TTL: variants seen among roughly 807,000 people sequenced by gnomAD.
The protein encoded by TTL is tubulin--tyrosine ligase.
A neutral mutation model predicts 41.1 loss-of-function variants in TTL; 10 were observed. That is an observed-to-expected ratio of 0.24 (90% CI 0.15 to 0.41). The LOEUF is 0.41. Ranked by LOEUF, TTL falls within the 10% of genes least tolerant of loss-of-function variation. The pLI is 1.00. For missense variants in TTL, 367 were observed against 460.4 expected (o/e 0.80, Z 1.86); for synonymous variants, 175 against 175.5 (o/e 1.00, Z 0.02).
intron 6 of TTL, among the ~76,000 whole-genome samples, chr2:112,526,988 G>T (rs7589692): frequency 0.97 from 148,112 of 152,292 alleles, 72,118 homozygotes; most frequent in East Asian, 1. Context: ...GTATGTTGTG[G>T]CTTTGTTCTC....
At chr2:112,523,470 C>T (rs1317300148) in intron 6 of TTL, among the ~76,000 whole-genome samples, 2 of 151,512 alleles carry the variant, frequency 1.3e-5, no homozygotes, top group Non-Finnish European at 2.9e-5. Flanking sequence ...AAGTCTTCCC[C>T]TGTCACTGGG....
intron 6 of TTL, among the ~76,000 whole-genome samples, chr2:112,520,907 C>A (rs961971808): frequency 3.3e-5 from 5 of 152,068 alleles, no homozygotes; most frequent in African/African-American, 1.2e-4. Flanking sequence ...GACAGAGAGA[C>A]CCTGTCTCAA....
intron 2 of TTL, among the ~76,000 whole-genome samples, chr2:112,493,268 G>A (rs894006965): frequency 1.3e-5 from 2 of 152,066 alleles, no homozygotes; most frequent in Non-Finnish European, 2.9e-5. Context: ...GCATGTCTGT[G>A]GGCAGGTTCC....
chr2:112,496,011 AC>A (rs1281367310), intron 3 of TTL, among the ~76,000 whole-genome samples: 1 of 152,036 alleles, frequency 6.6e-6, no homozygotes, highest in Admixed American at 6.5e-5. Context: ...GGAGAGTTGG[AC>A]TCTTGCCACA....
intron 5 of TTL, among the ~76,000 whole-genome samples, chr2:112,514,770 A>C (rs1464097129): frequency 6.6e-6 from 1 of 152,172 alleles, no homozygotes; most frequent in Admixed American, 6.5e-5. Flanking sequence ...TGGAATATTC[A>C]TGGACATTAT....
chr2:112,512,555 C>T (rs1681953432), intron 5 of TTL, among the ~76,000 whole-genome samples: 1 of 152,124 alleles, frequency 6.6e-6, no homozygotes, highest in South Asian at 2.1e-4. Flanking sequence ...AGCCACCACG[C>T]CTGGCCTAGT....
At chr2:112,492,546 C>T (rs1242337641) in intron 2 of TTL, among the ~76,000 whole-genome samples, 4 of 152,076 alleles carry the variant, frequency 2.6e-5, no homozygotes, top group Non-Finnish European at 4.4e-5. Context: ...CTGGCTAACA[C>T]GGTGAAACCC....
intron 3 of TTL, among the ~76,000 whole-genome samples, chr2:112,494,914 A>G (rs1681487228): frequency 6.6e-6 from 1 of 152,174 alleles, no homozygotes; most frequent in African/African-American, 2.4e-5. Context: ...GCCTGCTCTC[A>G]ACCAGTTCTC....
chr2:112,491,976 AT>A (rs920788071), intron 2 of TTL, among the ~76,000 whole-genome samples: 10 of 151,964 alleles, frequency 6.6e-5, no homozygotes, highest in African/African-American at 2.4e-4. Flanking sequence ...TTGTCCAAAT[AT>A]TTTTTTAACT....
intron 5 of TTL, among the ~76,000 whole-genome samples, chr2:112,509,610 G>A (rs932237572): frequency 1.3e-5 from 2 of 152,022 alleles, no homozygotes; most frequent in African/African-American, 2.4e-5. Flanking sequence ...TCTTTGACTC[G>A]GAAAGGGAAC....
intron 2 of TTL, among the ~76,000 whole-genome samples, chr2:112,487,457 C>A (rs901485947): frequency 6.6e-6 from 1 of 152,160 alleles, no homozygotes; most frequent in African/African-American, 2.4e-5. Flanking sequence ...ATTTATTAAA[C>A]CTCTTCTGCT....
intron 6 of TTL, 93 bp downstream of exon 6, chr2:112,520,518 G>A: frequency 2.0e-6 from 3 of 1,516,492 alleles, no homozygotes; most frequent in Non-Finnish European, 2.7e-6. Flanking sequence ...TTTGACTGCT[G>A]TGAGGGAGGA....
intron 5 of TTL, among the ~76,000 whole-genome samples, chr2:112,512,131 G>T (rs1485888013): frequency 1.3e-5 from 2 of 151,972 alleles, no homozygotes; most frequent in Admixed American, 1.3e-4. Context: ...CACTCTTGCT[G>T]CCCGGACTAG....
Position 112,500,550 on chromosome 2 carries a change from G to A in TTL, c.470-656G>A, listed in dbSNP as rs549945570. Among the ~76,000 whole-genome samples the A allele has an allele frequency of 3.2e-4, 48 of 152,202 alleles. No individual in the cohort carries two copies. The South Asian group carries it at 9.5e-3, about 30-fold the overall frequency. On this transcript the variant is annotated intron_variant, in intron 3 of 6. Coordinates refer to ENST00000233336, the MANE Select transcript of TTL (RefSeq NM_153712.5). ...TGCGCCACTGCACTCCATCCTGGGC[G>A]ACAGAGTGAGACTCCATCTCAAAAA...
chr2:112,512,349 G>A lies in TTL; in HGVS notation c.876-7933G>A, dbSNP rs567890549. Reference sequence around the variant, plus strand: ...GTGATCTCGGCTCACTGCAAGCTCCGCCTTGCAGGTTCACGCCATTCTCCT... The same window carrying A: ...GTGATCTCGGCTCACTGCAAGCTCCACCTTGCAGGTTCACGCCATTCTCCT... On this transcript the variant is annotated intron_variant, in intron 5 of 6. Transcript: ENST00000233336. Among the ~76,000 whole-genome samples, 12 of 151,674 alleles carry A rather than the reference G, an allele frequency of 7.9e-5. No individual in the cohort carries two copies. The East Asian group carries it at 9.7e-4, about 12-fold the overall frequency.
rs1447204448 is a variant in TTL at position 112,482,221 on chromosome 2, G to A, written c.-124G>A. On this transcript the variant is annotated 5_prime_UTR_variant, in exon 1 of 7. Transcript: ENST00000233336. The surrounding 1 kb of genome is among the most constrained non-coding windows in gnomAD (Gnocchi z 5.3). ...CCGCCGGCACCCGAGAGGCGCGGTA[G>A]CCGGCGCGGGCGGCGGGGGCCGGGC... is the stretch of plus-strand genomic sequence containing the variant. 2 of 673,108 alleles carry A rather than the reference G, an allele frequency of 3.0e-6. No individual in the cohort carries two copies. Among genetic ancestry groups the A allele is most frequent in the South Asian group, 6.6e-5 (1 of 15,064 alleles). The allele number at this position is 673,108 out of a possible 1,614,324, so 41.7% of individuals were successfully genotyped here. A position where few individuals can be genotyped will look rare whatever the true frequency, so the allele number is the denominator to read the frequency against.
rs1681106514 is a variant in TTL at position 112,482,254 on chromosome 2, G to A, written c.-91G>A. 5 of 931,692 alleles carry A rather than the reference G, an allele frequency of 5.4e-6. No individual in the cohort carries two copies. In the Admixed American group the frequency reaches 1.9e-4, roughly 36 times the overall value. The allele number at this position is 931,692 out of a possible 1,614,324, so 57.7% of individuals were successfully genotyped here. ...GGGCGGCGGGGGCCGGGCCGCGGCG[G>A]GCGCCCGGGCGGGGTCCGCGCTGAG... On this transcript the variant is annotated 5_prime_UTR_variant, in exon 1 of 7. Transcript: ENST00000233336. This position sits in a 1 kb window ranked among gnomAD's most constrained non-coding sequence, Gnocchi z 5.3.
In TTL at chr2:112,482,508, C is replaced by T. The variant is rs1681117809; in HGVS notation, c.157+7C>T. ...CTGCCCTTCGGGAGACTGGGTGAGC[C>T]CCTCCCCGATTCCCGTCTGCCCTCC... is the stretch of plus-strand genomic sequence containing the variant. On this transcript the variant is annotated splice_region_variant and intron_variant, in intron 1 of 6. Transcript: ENST00000233336. This position sits in a 1 kb window ranked among gnomAD's most constrained non-coding sequence, Gnocchi z 5.3. 6.3e-7 allele frequency: 1 copy of T among 1,598,844 alleles called. No individual in the cohort carries two copies. Among genetic ancestry groups the T allele is most frequent in the Admixed American group, 1.7e-5 (1 of 58,674 alleles).
chr2:112,490,151 C>G (rs182589093), intron 2 of TTL, among the ~76,000 whole-genome samples: 1 of 152,302 alleles, frequency 6.6e-6, no homozygotes, highest in East Asian at 1.9e-4. Context: ...TGTGGTGACT[C>G]ACACCTGTAA....
Sources: gnomAD v4.1 joint callset for allele counts (sites outside exome capture counted in the v4.1 genomes callset) on GRCh38, gnomAD v4.1.1 for gene constraint, Gnocchi (gnomAD v3.1) non-coding constraint, MANE v1.5 for transcripts, NCBI Gene and HGNC (gene_info 2026-07-23, HGNC 2026-07-21) for gene names.